WIPF1: variants seen among roughly 807,000 people sequenced by gnomAD.
WIPF1 encodes the protein WAS/WASL-interacting protein family member 1.
WIPF1 carries 13 observed loss-of-function variants against 35.4 expected under a neutral mutation model. The ratio of observed to expected loss-of-function variants is 0.37; its 90% CI spans 0.24 to 0.58. The LOEUF (loss-of-function observed/expected upper bound fraction) is 0.58, where lower values mean the gene tolerates loss of function less well. Ranked by LOEUF, WIPF1 falls within the 20% of genes least tolerant of loss-of-function variation. The probability of loss-of-function intolerance (pLI) is 0.74; values close to 1 mark genes in which losing one functional copy is unlikely to be tolerated. For missense variants in WIPF1, 591 were observed against 667.0 expected (o/e 0.89, Z 1.25); for synonymous variants, 267 against 266.3 (o/e 1.00, Z -0.02).
chr2:174,638,661 G>C (rs949338193), intron 1 of WIPF1, among the ~76,000 whole-genome samples: 8 of 151,420 alleles, frequency 5.3e-5, no homozygotes, highest in Non-Finnish European at 1.2e-4. Context: ...CTGTCTTTCT[G>C]TGTCTGCCTT....
chr2:174,594,558 TAGC>T (rs2105865139), intron 1 of WIPF1, among the ~76,000 whole-genome samples: 1 of 152,052 alleles, frequency 6.6e-6, no homozygotes, highest in African/African-American at 2.4e-5. Context: ...AATTAAAGAG[TAGC>T]AGGTTTTCTC....
At chr2:174,610,655 C>G (rs1434534411) in intron 1 of WIPF1, among the ~76,000 whole-genome samples, 3 of 152,168 alleles carry the variant, frequency 2.0e-5, no homozygotes, top group Non-Finnish European at 4.4e-5. Context: ...AAAACTCAAG[C>G]TGGGTGCTAC....
rs1423885493 is a variant in WIPF1 at position 174,561,839 on chromosome 2, A to T, written c.*708T>A. 8.6e-6 allele frequency: 4 copies of T among 462,510 alleles called. No homozygotes were observed. The highest frequency in any genetic ancestry group is 1.5e-5 in the Non-Finnish European group (4 of 260,552). 28.7% of individuals were successfully genotyped at this position (462,510 alleles called of 1,614,324 possible). On this transcript the variant is annotated 3_prime_UTR_variant, in exon 8 of 8. Coordinates refer to ENST00000679041, the MANE Select transcript of WIPF1 (RefSeq NM_001375834.1). ...AAAAATGTGACTAGTCTGAATGGAG[A>T]TGTGCGGTAAGTGTAAAATACACTC...
chr2:174,643,584 G>GT (rs1199297574), intron 1 of WIPF1, among the ~76,000 whole-genome samples: 1 of 148,800 alleles, frequency 6.7e-6, no homozygotes, highest in East Asian at 1.9e-4. Context: ...GCTAATTTTT[G>GT]TATTTTTAGT....
At chr2:174,565,718 G>A (rs1001541444) in intron 7 of WIPF1, among the ~76,000 whole-genome samples, 1 of 152,150 alleles carries the variant, frequency 6.6e-6, no homozygotes, top group African/African-American at 2.4e-5. Flanking sequence ...GTTAGGGAGT[G>A]GGGCCATCGC....
intron 7 of WIPF1, among the ~76,000 whole-genome samples, chr2:174,565,333 G>GCTT (rs1249105953): frequency 6.6e-6 from 1 of 152,150 alleles, no homozygotes. Flanking sequence ...TTAAGCAGTA[G>GCTT]TATTCTGTTT....
At chr2:174,593,433 C>T (rs1040444739) in intron 1 of WIPF1, among the ~76,000 whole-genome samples, 6 of 152,176 alleles carry the variant, frequency 3.9e-5, no homozygotes, top group Admixed American at 2.0e-4. Flanking sequence ...CTCCAAGTCA[C>T]CCTGCAAAAA....
chr2:174,607,543 A>G (rs1686209976), intron 1 of WIPF1, among the ~76,000 whole-genome samples: 1 of 152,228 alleles, frequency 6.6e-6, no homozygotes, highest in South Asian at 2.1e-4. Flanking sequence ...TTTCCATTTT[A>G]TACCAAGTAA....
Position 174,562,343 on chromosome 2 carries a change from A to G in WIPF1, c.*204T>C. 6.7e-7 allele frequency: 1 copy of G among 1,484,024 alleles called. No individual in the cohort carries two copies. The highest frequency in any genetic ancestry group is 9.0e-7 in the Non-Finnish European group (1 of 1,115,736). 91.9% of individuals were successfully genotyped at this position (1,484,024 alleles called of 1,614,324 possible). A position where few individuals can be genotyped will look rare whatever the true frequency, so the allele number is the denominator to read the frequency against. The stretch of plus-strand genomic sequence containing the variant: ...AGGCAGGCTGCAGCTGAAGCAAGCA[A>G]TAGCCTGGAGAATAAACACAATATG... On this transcript the variant is annotated 3_prime_UTR_variant, in exon 8 of 8. Coordinates refer to ENST00000679041, the MANE Select transcript of WIPF1 (RefSeq NM_001375834.1).
chr2:174,613,544 T>C (rs1252564108), intron 1 of WIPF1, among the ~76,000 whole-genome samples: 1 of 152,244 alleles, frequency 6.6e-6, no homozygotes, highest in Non-Finnish European at 1.5e-5. Flanking sequence ...TTCTTCATCC[T>C]GCACTTAGGA....
Position 174,658,574 on chromosome 2 carries a change from G to T in WIPF1, c.-39+24200C>A, listed in dbSNP as rs543392083. Among the ~76,000 whole-genome samples the T allele has an allele frequency of 6.6e-5, 10 of 152,168 alleles. No homozygotes were observed. The South Asian group carries it at 2.1e-3, about 32-fold the overall frequency. ...ACTGCTCCAAGCCCTGTAATGATTTGCCCAAGTGACTTGGAATCATAGTGA... is the reference window on the plus strand; with the variant it reads ...ACTGCTCCAAGCCCTGTAATGATTTTCCCAAGTGACTTGGAATCATAGTGA... On this transcript the variant is annotated intron_variant, in intron 1 of 8. Coordinates refer to the WIPF1 transcript ENST00000272746.
intron 1 of WIPF1, among the ~76,000 whole-genome samples, chr2:174,666,131 T>C (rs1284584081): frequency 6.6e-6 from 1 of 152,110 alleles, no homozygotes; most frequent in Non-Finnish European, 1.5e-5. Context: ...ACTGAAAAAC[T>C]TAGCCAGGCA....
At position 174,590,550 on chromosome 2, in the gene WIPF1, G is replaced by T. The variant is rs1056346852; in HGVS notation, c.-38-4939C>A. ...TGGAGATGGGAGCATGGCAGGAAAGGCAGCTGATTCGGGTGCAGGAGAGAC... is the reference window on the plus strand; with the variant it reads ...TGGAGATGGGAGCATGGCAGGAAAGTCAGCTGATTCGGGTGCAGGAGAGAC... On this transcript the variant is annotated intron_variant, in intron 1 of 7. Coordinates refer to ENST00000679041, the MANE Select transcript of WIPF1 (RefSeq NM_001375834.1). This position sits in a 1 kb window ranked among gnomAD's most constrained non-coding sequence, Gnocchi z 4.6. Among the ~76,000 whole-genome samples the T allele has an allele frequency of 1.3e-5, 2 of 152,222 alleles. No homozygotes were observed. The highest frequency in any genetic ancestry group is 4.8e-5 in the African/African-American group (2 of 41,452).
chr2:174,670,994 T>C (rs538559120), intron 1 of WIPF1, among the ~76,000 whole-genome samples: 1 of 152,224 alleles, frequency 6.6e-6, no homozygotes, highest in Non-Finnish European at 1.5e-5. Context: ...TATTGACTTT[T>C]CCAAGGAAGT....
Position 174,559,652 on chromosome 2 carries a change from C to G in WIPF1, c.*2895G>C, listed in dbSNP as rs1203836477. ...GGTAGTCTCTACCCTACCACTTACA[C>G]TATCCTGATGACACAGATAGCAAAA... On this transcript the variant is annotated 3_prime_UTR_variant, in exon 8 of 8. Transcript: ENST00000679041. The G allele has an allele frequency of 1.3e-5, 2 of 152,246 alleles. No homozygotes were observed. Among genetic ancestry groups the G allele is most frequent in the Non-Finnish European group, 2.9e-5 (2 of 68,000 alleles). 9.4% of individuals were successfully genotyped at this position (152,246 alleles called of 1,614,324 possible).
At chr2:174,668,362 T>G (rs1389078872) in intron 1 of WIPF1, among the ~76,000 whole-genome samples, 4 of 152,250 alleles carry the variant, frequency 2.6e-5, no homozygotes. Context: ...TTCACTTTGC[T>G]TCCCTGCTCT....
At chr2:174,641,072 T>G (rs1338208216) in intron 1 of WIPF1, among the ~76,000 whole-genome samples, 1 of 152,070 alleles carries the variant, frequency 6.6e-6, no homozygotes, top group African/African-American at 2.4e-5. Flanking sequence ...TAGAACAGAA[T>G]AGAGCCCAGA....
intron 1 of WIPF1, among the ~76,000 whole-genome samples, chr2:174,666,350 T>C (rs924546887): frequency 1.3e-5 from 2 of 152,216 alleles, no homozygotes; most frequent in African/African-American, 4.8e-5. Flanking sequence ...ATCTATACAA[T>C]GTAAGGTTCC....
intron 5 of WIPF1, among the ~76,000 whole-genome samples, chr2:174,569,488 T>A (rs1684765277): frequency 6.6e-6 from 1 of 152,182 alleles, no homozygotes; most frequent in Admixed American, 6.5e-5. Context: ...TCCAATATTA[T>A]GGGGCCCTGT....
Sources: allele counts gnomAD v4.1 joint callset (sites outside exome capture counted in the v4.1 genomes callset), GRCh38; gene constraint gnomAD v4.1.1; non-coding constraint Gnocchi (gnomAD v3.1); transcripts MANE v1.5; gene names NCBI Gene and HGNC (gene_info 2026-07-23, HGNC 2026-07-21).